The following CASP8 variants were observed in gnomAD, a reference collection of about 807,000 sequenced individuals.
The protein encoded by CASP8 is caspase 8.
Under a neutral mutation model 46.3 loss-of-function variants are expected in CASP8, and 24 were observed. The observed-to-expected ratio is 0.52, with a 90% CI of 0.38 to 0.73. The LOEUF is 0.73. CASP8 is among the 30% of genes least tolerant of loss of function. CASP8 has a pLI of 0.00. For synonymous variants in CASP8, 188 were observed against 200.4 expected (o/e 0.94, Z 0.52); for missense variants, 460 against 559.0 (o/e 0.82, Z 1.79).
In CASP8 at chr2:201,268,909, T is replaced by TTTTGTG. The variant is rs1553602755; in HGVS notation, c.305+2119_305+2120insTTGTGT. Reference sequence around the variant, plus strand: ...CACCTAATCCAGTATGGCCTCATCTTTGTGTGTGTGTGTGTGTGTGTGTGT... The same window carrying TTTTGTG: ...CACCTAATCCAGTATGGCCTCATCTTTTTGTGTGTGTGTGTGTGTGTGTGTGTGTGT... On this transcript the variant is annotated intron_variant, in intron 2 of 8. Coordinates refer to ENST00000673742, the MANE Select transcript of CASP8 (RefSeq NM_001372051.1). Among the ~76,000 whole-genome samples the TTTTGTG allele has an allele frequency of 2.2e-4, 29 of 131,642 alleles. No individual in the cohort carries two copies. The East Asian group carries it at 6.2e-3, about 28-fold the overall frequency. The allele number at this position is 131,642 out of a possible 152,430, so 86.4% of individuals were successfully genotyped here. A position where few individuals can be genotyped will look rare whatever the true frequency, so the allele number is the denominator to read the frequency against.
chr2:201,237,462 A>G (rs1488240959), intron 2 of CASP8, among the ~76,000 whole-genome samples: 1 of 151,460 alleles, frequency 6.6e-6, no homozygotes. Context: ...AAAAAAGGAA[A>G]AAAGAAAAGA....
upstream of CASP8, among the ~76,000 whole-genome samples, chr2:201,259,346 A>C (rs1475422566): frequency 6.6e-6 from 1 of 151,876 alleles, no homozygotes; most frequent in Admixed American, 6.6e-5. Context: ...CTAATTAAAA[A>C]ATTTTTCTTC....
intron 2 of CASP8, among the ~76,000 whole-genome samples, chr2:201,253,394 C>T (rs1218313864): frequency 7.9e-6 from 1 of 125,828 alleles, no homozygotes; most frequent in Non-Finnish European, 1.6e-5. Flanking sequence ...CTTCACTTTT[C>T]TGAGCTTTCG....
chr2:201,252,616 C>G (rs1056807655), intron 2 of CASP8, among the ~76,000 whole-genome samples: 3 of 152,190 alleles, frequency 2.0e-5, no homozygotes, highest in African/African-American at 7.2e-5. Context: ...TCTCTTCACT[C>G]TTAACTGTAT....
intron 1 of CASP8, 58 bp downstream of exon 1, chr2:201,260,671 T>C (rs759636902): frequency 7.2e-5 from 38 of 530,410 alleles, no homozygotes; most frequent in Non-Finnish European, 8.9e-5. Flanking sequence ...AGGCCTTTGA[T>C]TCTGGAGTTT....
chr2:201,262,781 G>A (rs886324414), intron 1 of CASP8, among the ~76,000 whole-genome samples: 1 of 152,140 alleles, frequency 6.6e-6, no homozygotes, highest in African/African-American at 2.4e-5. Context: ...AACAAGAACT[G>A]CCACACGATG....
chr2:201,267,042 T>C (rs897012168), intron 2 of CASP8, among the ~76,000 whole-genome samples: 1 of 152,012 alleles, frequency 6.6e-6, no homozygotes, highest in Non-Finnish European at 1.5e-5. Flanking sequence ...CAGTATCACT[T>C]GGGAGGCTTT....
In CASP8 at chr2:201,272,529, A is replaced by G; in HGVS notation, c.412-109A>G. On this transcript the variant is annotated intron_variant, in intron 3 of 8. Coordinates refer to ENST00000673742, the MANE Select transcript of CASP8 (RefSeq NM_001372051.1). This position sits in a 1 kb window ranked among gnomAD's most constrained non-coding sequence, Gnocchi z 4.4. ...AGCAGAAACTGTCAGAAACTTGGGA[A>G]GCAAGGGCAGGTCCTTGGTTGGAGA... 4 of 1,233,460 alleles carry G rather than the reference A, an allele frequency of 3.2e-6. No homozygotes were observed. The highest frequency in any genetic ancestry group is 1.3e-5 in the South Asian group (1 of 79,668). The allele number at this position is 1,233,460 out of a possible 1,614,324, so 76.4% of individuals were successfully genotyped here. A position where few individuals can be genotyped will look rare whatever the true frequency, so the allele number is the denominator to read the frequency against.
At chr2:201,283,312 G>A (rs1250732795) in intron 7 of CASP8, among the ~76,000 whole-genome samples, 8 of 79,372 alleles carry the variant, frequency 1.0e-4, no homozygotes, top group Non-Finnish European at 1.4e-4. Context: ...TGGCCGGGCA[G>A]AGGGGCTCCT....
chr2:201,264,275 T>G (rs1021165439), intron 1 of CASP8, among the ~76,000 whole-genome samples: 1 of 152,226 alleles, frequency 6.6e-6, no homozygotes, highest in African/African-American at 2.4e-5. Context: ...TTGAGTATAC[T>G]TGTTTAAGTG....
At chr2:201,259,439 G>A (rs1947230840), upstream of CASP8, among the ~76,000 whole-genome samples, 2 of 152,136 alleles carry the variant, frequency 1.3e-5, no homozygotes, top group African/African-American at 2.4e-5. Flanking sequence ...GCCTCTCAAA[G>A]TGCTAGGATT....
intron 6 of CASP8, 58 bp downstream of exon 6, chr2:201,275,011 GT>G: frequency 8.7e-7 from 1 of 1,155,314 alleles, no homozygotes; most frequent in Non-Finnish European, 1.2e-6. Flanking sequence ...TATTTAATTT[GT>G]TAGCTTTTTT....
intron 2 of CASP8, among the ~76,000 whole-genome samples, chr2:201,237,557 T>C (rs780156454): frequency 6.6e-6 from 1 of 152,142 alleles, no homozygotes; most frequent in Non-Finnish European, 1.5e-5. Context: ...ATGTTGATTT[T>C]CTGGTGTAAA....
upstream of CASP8, among the ~76,000 whole-genome samples, chr2:201,257,224 G>A (rs1947062346): frequency 6.6e-6 from 1 of 151,076 alleles, no homozygotes; most frequent in African/African-American, 2.4e-5. Context: ...GCTCATGCCT[G>A]TAATCCCAGC....
At chr2:201,246,765 C>T (rs1004758807) in intron 2 of CASP8, among the ~76,000 whole-genome samples, 3 of 152,170 alleles carry the variant, frequency 2.0e-5, no homozygotes, top group Admixed American at 2.0e-4. Context: ...GTTCTGTCTG[C>T]AAAAATCCCA....
intron 5 of CASP8, among the ~76,000 whole-genome samples, chr2:201,273,933 C>T (rs1948462300): frequency 6.6e-6 from 1 of 151,974 alleles, no homozygotes; most frequent in Admixed American, 6.6e-5. Flanking sequence ...CCTGGGCCTC[C>T]CAAAGTGCTG....
chr2:201,255,368 G>T (rs889500563), intron 2 of CASP8, among the ~76,000 whole-genome samples: 3 of 152,220 alleles, frequency 2.0e-5, no homozygotes, highest in African/African-American at 7.2e-5. Context: ...GTAAGCCACT[G>T]TGCCTGGCCA....
intron 7 of CASP8, among the ~76,000 whole-genome samples, chr2:201,282,902 G>A (rs1174046380): frequency 1.4e-5 from 1 of 70,182 alleles, no homozygotes; most frequent in African/African-American, 4.3e-5. Context: ...GCCGGGCAGA[G>A]GCGCCCCTCA....
chr2:201,273,897 A>ACTC (rs1379100191), intron 5 of CASP8, among the ~76,000 whole-genome samples: 1 of 151,114 alleles, frequency 6.6e-6, no homozygotes, highest in African/African-American at 2.4e-5. Context: ...CTGATCTTGA[A>ACTC]CTCCTGAGCT....
Sources: gnomAD v4.1 joint callset for allele counts (sites outside exome capture counted in the v4.1 genomes callset) on GRCh38, gnomAD v4.1.1 for gene constraint, Gnocchi (gnomAD v3.1) non-coding constraint, MANE v1.5 for transcripts, NCBI Gene and HGNC (gene_info 2026-07-23, HGNC 2026-07-21) for gene names.